IMMP2L: variants seen among roughly 807,000 people sequenced by gnomAD.
The protein encoded by IMMP2L is inner mitochondrial membrane peptidase subunit 2, also known as mitochondrial inner membrane protease subunit 2.
In IMMP2L, 18 loss-of-function variants were observed where a neutral mutation model predicts 19.3. That is an observed-to-expected ratio of 0.93 (90% confidence interval 0.64 to 1.38). The LOEUF is 1.38. IMMP2L is among the 40% of genes most tolerant of loss of function. IMMP2L has a pLI of 0.00. For missense variants in IMMP2L, 233 were observed against 218.2 expected, an observed-to-expected ratio of 1.07 and a Z score of -0.43; for synonymous variants, 76 against 73.0, an observed-to-expected ratio of 1.04 and a Z score of -0.21.
In IMMP2L at chr7:111,391,483, G is replaced by A. The variant is rs140963964; in HGVS notation, c.239+95755C>T. On this transcript the variant is annotated intron_variant, in intron 3 of 5. Coordinates refer to ENST00000405709, the MANE Select transcript of IMMP2L (RefSeq NM_032549.4). ...TCGTATCCAAGAAAGTAAGTACAAC[G>A]CTTTGCAAAGATTTGATAAAGATGA... Among the ~76,000 whole-genome samples, 720 of 152,180 alleles carry A rather than the reference G, an allele frequency of 4.7e-3. 5 individuals are homozygous for A. The highest frequency in any genetic ancestry group is 0.017 in the African/African-American group (686 of 41,520).
intron 3 of IMMP2L, among the ~76,000 whole-genome samples, chr7:111,278,019 G>A (rs1202602986): frequency 1.3e-5 from 2 of 152,136 alleles, no homozygotes. Flanking sequence ...ATAAGTGGGA[G>A]CTAAACAATG....
At chr7:111,229,544 A>G (rs1487998861) in intron 3 of IMMP2L, among the ~76,000 whole-genome samples, 1 of 151,924 alleles carries the variant, frequency 6.6e-6, no homozygotes, top group Admixed American at 6.6e-5. Flanking sequence ...CACCCTACTC[A>G]CATTCCCACC....
chr7:111,000,458 T>C (rs765567685), intron 3 of IMMP2L, among the ~76,000 whole-genome samples: 7 of 152,192 alleles, frequency 4.6e-5, no homozygotes, highest in Non-Finnish European at 7.3e-5. Flanking sequence ...AATAAGGTGA[T>C]AATATATTTG....
At position 111,256,783 on chromosome 7, in the gene IMMP2L, T is replaced by C. The variant is rs566880567; in HGVS notation, c.239+230455A>G. 2.0e-5 allele frequency among the ~76,000 whole-genome samples: 3 copies of C among 152,188 alleles called. No individual in the cohort carries two copies. The South Asian group carries it at 6.2e-4, about 32-fold the overall frequency. ...CCTGAACTGACACATTAAATTATCATATACTGTGAATTCACACCCTCTGAG... is the reference window on the plus strand; with the variant it reads ...CCTGAACTGACACATTAAATTATCACATACTGTGAATTCACACCCTCTGAG... On this transcript the variant is annotated intron_variant, in intron 3 of 5. Coordinates refer to ENST00000405709, the MANE Select transcript of IMMP2L (RefSeq NM_032549.4).
intron 1 of IMMP2L, among the ~76,000 whole-genome samples, chr7:111,550,615 A>C (rs946574988): frequency 6.6e-6 from 1 of 152,066 alleles, no homozygotes; most frequent in African/African-American, 2.4e-5. Context: ...AAAGACCCTA[A>C]AAAAAAGTCT....
chr7:111,553,946 C>T (rs1439453935), intron 1 of IMMP2L, among the ~76,000 whole-genome samples: 1 of 152,142 alleles, frequency 6.6e-6, no homozygotes, highest in Admixed American at 6.5e-5. Context: ...AACAGGTAGG[C>T]AGGACGGGTA....
At chr7:111,508,270 A>G (rs1373005219) in intron 2 of IMMP2L, among the ~76,000 whole-genome samples, 1 of 152,142 alleles carries the variant, frequency 6.6e-6, no homozygotes, top group African/African-American at 2.4e-5. Context: ...AAAGTATAAA[A>G]CAGGCATTTT....
At chr7:111,221,952 T>G (rs1029433083) in intron 3 of IMMP2L, among the ~76,000 whole-genome samples, 1 of 151,976 alleles carries the variant, frequency 6.6e-6, no homozygotes, top group Non-Finnish European at 1.5e-5. Context: ...AGCATGGACA[T>G]GAAATATCAA....
At chr7:110,741,134 A>G (rs1316968971) in intron 5 of IMMP2L, among the ~76,000 whole-genome samples, 1 of 152,172 alleles carries the variant, frequency 6.6e-6, no homozygotes, top group African/African-American at 2.4e-5. Flanking sequence ...TATATATACC[A>G]TGGAATACTA....
intron 4 of IMMP2L, among the ~76,000 whole-genome samples, chr7:110,913,620 A>C (rs1259835361): frequency 3.3e-5 from 5 of 152,278 alleles, no homozygotes; most frequent in African/African-American, 1.2e-4. Flanking sequence ...AAAAATGTGC[A>C]AACTTATTTC....
At chr7:110,958,566 C>CGCA (rs1818603628) in intron 4 of IMMP2L, among the ~76,000 whole-genome samples, 1 of 152,048 alleles carries the variant, frequency 6.6e-6, no homozygotes, top group African/African-American at 2.4e-5. Flanking sequence ...ATTGTAATGC[C>CGCA]CCATTCTGGG....
intron 4 of IMMP2L, among the ~76,000 whole-genome samples, chr7:110,908,275 G>C (rs1812683341): frequency 6.6e-6 from 1 of 152,106 alleles, no homozygotes; most frequent in Non-Finnish European, 1.5e-5. Flanking sequence ...ATTATTTATA[G>C]TTTAATATCA....
Position 110,791,129 on chromosome 7 carries a change from C to T in IMMP2L, c.408+95464G>A, listed in dbSNP as rs560266977. On this transcript the variant is annotated intron_variant, in intron 5 of 5. Transcript: ENST00000405709. ...AAAATCACAGTGAAAGGCTAAACAC[C>T]ACCACTCAAGTAAAGAATGAAGTAC... 5.9e-5 allele frequency among the ~76,000 whole-genome samples: 9 copies of T among 151,748 alleles called. No individual in the cohort carries two copies. In the South Asian group the frequency reaches 1.5e-3, roughly 25 times the overall value.
At chr7:111,545,345 A>G (rs1848831038) in intron 1 of IMMP2L, among the ~76,000 whole-genome samples, 1 of 152,166 alleles carries the variant, frequency 6.6e-6, no homozygotes, top group Non-Finnish European at 1.5e-5. Flanking sequence ...AGAAATGTCA[A>G]TTCAAACCAT....
chr7:111,114,320 A>G (rs1799587848), intron 3 of IMMP2L, among the ~76,000 whole-genome samples: 1 of 152,176 alleles, frequency 6.6e-6, no homozygotes, highest in Non-Finnish European at 1.5e-5. Context: ...CACCTTGTCT[A>G]TCTCTATGCC....
At chr7:110,752,144 A>G (rs186874197) in intron 5 of IMMP2L, among the ~76,000 whole-genome samples, 101 of 152,206 alleles carry the variant, frequency 6.6e-4, no homozygotes, top group South Asian at 6.2e-3. Flanking sequence ...AGGCATGAAG[A>G]AAATAGCTCC....
At chr7:110,957,192 G>T (rs1563110832) in intron 4 of IMMP2L, among the ~76,000 whole-genome samples, 1 of 151,770 alleles carries the variant, frequency 6.6e-6, no homozygotes, top group Non-Finnish European at 1.5e-5. Flanking sequence ...GCCCTCCCCA[G>T]TCTCATCTTT....
At chr7:111,044,524 G>A (rs1162720122) in intron 3 of IMMP2L, among the ~76,000 whole-genome samples, 1 of 152,146 alleles carries the variant, frequency 6.6e-6, no homozygotes, top group Non-Finnish European at 1.5e-5. Flanking sequence ...TTGCACCACT[G>A]CACTCCAGCC....
chr7:111,061,026 A>G (rs1400865058), intron 3 of IMMP2L, among the ~76,000 whole-genome samples: 3 of 152,226 alleles, frequency 2.0e-5, no homozygotes, highest in Non-Finnish European at 4.4e-5. Context: ...TCAAAAATAG[A>G]CTAGACTTGC....
Sources: gnomAD v4.1 joint callset for allele counts (sites outside exome capture counted in the v4.1 genomes callset) on GRCh38, gnomAD v4.1.1 for gene constraint, MANE v1.5 for transcripts, NCBI Gene and HGNC (gene_info 2026-07-23, HGNC 2026-07-21) for gene names.